Variants in EMB observed in about 807,000 individuals in gnomAD.
EMB encodes embigin homolog.
A neutral mutation model predicts 41.4 loss-of-function variants in EMB; 31 were observed. The ratio of observed to expected loss-of-function variants is 0.75; its 90% CI spans 0.56 to 1.01. The LOEUF is 1.01. Ranked by LOEUF, EMB falls within the 50% of genes least tolerant of loss-of-function variation. The probability of loss-of-function intolerance (pLI) is 0.00; values close to 1 mark genes in which losing one functional copy is unlikely to be tolerated. For missense variants in EMB, 379 were observed against 388.3 expected (o/e 0.98, Z 0.20); for synonymous variants, 137 against 140.4 (o/e 0.98, Z 0.17).
Position 50,405,922 on chromosome 5 carries a change from A to G in EMB, c.473-70T>C, listed in dbSNP as rs1212030837. 4.1e-6 allele frequency: 6 copies of G among 1,457,294 alleles called. No homozygotes were observed. The African/African-American group carries it at 5.8e-5, about 14-fold the overall frequency. The allele number at this position is 1,457,294 out of a possible 1,614,324, so 90.3% of individuals were successfully genotyped here. On this transcript the variant is annotated intron_variant, in intron 4 of 8. Transcript: ENST00000303221. ...TAAAGGAAATGTATTAAATGTGCAAATATTGTCTCCTTTCATTTTTTCATT... is the reference window on the plus strand; with the variant it reads ...TAAAGGAAATGTATTAAATGTGCAAGTATTGTCTCCTTTCATTTTTTCATT...
At chr5:50,421,487 C>T (rs1233973936) in intron 2 of EMB, among the ~76,000 whole-genome samples, 4 of 152,094 alleles carry the variant, frequency 2.6e-5, no homozygotes, top group East Asian at 1.9e-4. Flanking sequence ...GTCAGTGTGG[C>T]GATTCCTCAG....
chr5:50,414,422 A>C (rs1223260883), intron 2 of EMB, among the ~76,000 whole-genome samples: 1 of 146,532 alleles, frequency 6.8e-6, no homozygotes, highest in East Asian at 2.1e-4. Context: ...ATCTAGTCTC[A>C]GGTAGAGGTG....
intron 1 of EMB, chr5:50,428,749 T>C (rs915076350): frequency 2.0e-6 from 2 of 985,426 alleles, no homozygotes; most frequent in South Asian, 9.4e-5. Context: ...CCAAGAGGCA[T>C]GCCCTCTAAC....
chr5:50,417,382 A>C (rs1352487404), intron 2 of EMB, among the ~76,000 whole-genome samples: 1 of 152,228 alleles, frequency 6.6e-6, no homozygotes, highest in Non-Finnish European at 1.5e-5. Flanking sequence ...AATTTATAAA[A>C]CATAATACTA....
At chr5:50,411,535 C>A in intron 2 of EMB, 152 bp from the exon 3 acceptor site, 1 of 566,012 alleles carries the variant, frequency 1.8e-6, no homozygotes, top group Non-Finnish European at 2.9e-6. Context: ...ATAGTTGGTT[C>A]CCTTTCTTAT....
At chr5:50,399,329 T>G (rs750795801) in intron 8 of EMB, 39 bp from the exon 9 acceptor site, 18 of 1,601,264 alleles carry the variant, frequency 1.1e-5, no homozygotes, top group Non-Finnish European at 1.4e-5. Flanking sequence ...AATTAGTATG[T>G]TCTGGTTATT....
At chr5:50,412,605 T>C (rs1318871865) in intron 2 of EMB, among the ~76,000 whole-genome samples, 1 of 151,858 alleles carries the variant, frequency 6.6e-6, no homozygotes, top group African/African-American at 2.4e-5. Flanking sequence ...CTTACCCTAC[T>C]AAGATGGTGT....
At chr5:50,437,578 T>C (rs1321749450) in intron 1 of EMB, among the ~76,000 whole-genome samples, 1 of 152,238 alleles carries the variant, frequency 6.6e-6, no homozygotes, top group African/African-American at 2.4e-5. Flanking sequence ...ATTTATTTGA[T>C]GCTCAATTTG....
chr5:50,422,615 A>C (rs947840523), intron 2 of EMB, among the ~76,000 whole-genome samples: 1 of 152,232 alleles, frequency 6.6e-6, no homozygotes, highest in African/African-American at 2.4e-5. Flanking sequence ...ACATAAAACT[A>C]TATCATAAAT....
At chr5:50,414,895 G>A (rs1745404049) in intron 2 of EMB, among the ~76,000 whole-genome samples, 1 of 152,084 alleles carries the variant, frequency 6.6e-6, no homozygotes, top group African/African-American at 2.4e-5. Flanking sequence ...GTGCCCATCA[G>A]GATTTTGCTC....
intron 1 of EMB, 150 bp downstream of exon 1, chr5:50,440,890 C>A: frequency 2.1e-6 from 1 of 467,484 alleles, no homozygotes; most frequent in South Asian, 5.3e-5. Flanking sequence ...AATGGGAGGC[C>A]GCCGCCGACT....
rs1745098960 is a variant in EMB at position 50,397,964 on chromosome 5, T to C, written c.*1309A>G. On this transcript the variant is annotated 3_prime_UTR_variant, in exon 9 of 9. Coordinates refer to ENST00000303221, the MANE Select transcript of EMB (RefSeq NM_198449.3). ...TTTTCACTACCAAAATTTTATTATA[T>C]TTTTCTTAGCCAATACATGGAGCAA... The C allele has an allele frequency of 6.6e-6, 1 of 151,992 alleles. No homozygotes were observed. Among genetic ancestry groups the C allele is most frequent in the Admixed American group, 6.6e-5 (1 of 15,212 alleles). 9.4% of individuals were successfully genotyped at this position (151,992 alleles called of 1,614,324 possible).
At chr5:50,439,487 A>ATT (rs35139912) in intron 1 of EMB, among the ~76,000 whole-genome samples, 9 of 137,536 alleles carry the variant, frequency 6.5e-5, no homozygotes, top group Non-Finnish European at 7.8e-5. Context: ...CGCACTTTTA[A>ATT]TTTTTTTTTT....
At chr5:50,412,894 T>G (rs1745365791) in intron 2 of EMB, among the ~76,000 whole-genome samples, 1 of 147,654 alleles carries the variant, frequency 6.8e-6, no homozygotes, top group East Asian at 2.0e-4. Context: ...TTTTTTTTTT[T>G]TTACACCAGT....
rs1561139889 is a variant in EMB at position 50,429,971 on chromosome 5, TCTCTCTCTCTCTCTCTC to T, written c.113-1761_113-1745del. Among the ~76,000 whole-genome samples, 513 of 134,060 alleles carry T rather than the reference TCTCTCTCTCTCTCTCTC, an allele frequency of 3.8e-3. 2 individuals carry two copies. The highest frequency in any genetic ancestry group is 0.014 in the Middle Eastern group (4 of 278). The allele number at this position is 134,060 out of a possible 152,430, so 87.9% of individuals were successfully genotyped here. Reference sequence around the variant, plus strand: ...CTCTCACCCTCCCCAACTCTCTTTCTCTCTCTCTCTCTCTCTCTCTCTCTCTCTCTCTCTCACACACA... The same window carrying T: ...CTCTCACCCTCCCCAACTCTCTTTCTTCTCTCTCTCTCTCTCTCACACACA... On this transcript the variant is annotated intron_variant, in intron 1 of 8. Coordinates refer to ENST00000303221, the MANE Select transcript of EMB (RefSeq NM_198449.3).
At chr5:50,429,958 C>T (rs1338224142) in intron 1 of EMB, among the ~76,000 whole-genome samples, 1 of 147,298 alleles carries the variant, frequency 6.8e-6, no homozygotes, top group African/African-American at 2.6e-5. Context: ...CTCACCCTCC[C>T]CAACTCTCTT....
At chr5:50,417,203 T>C (rs1745443555) in intron 2 of EMB, among the ~76,000 whole-genome samples, 1 of 152,176 alleles carries the variant, frequency 6.6e-6, no homozygotes, top group African/African-American at 2.4e-5. Context: ...CCAAAATGTC[T>C]ATTAAACATC....
intron 8 of EMB, among the ~76,000 whole-genome samples, chr5:50,399,638 T>C (rs1415853390): frequency 2.8e-4 from 43 of 152,004 alleles, no homozygotes; most frequent in Non-Finnish European, 8.8e-5. Context: ...TGCAAAAGAT[T>C]TACTTCTAGA....
chr5:50,427,787 T>C (rs1472433791), intron 2 of EMB, among the ~76,000 whole-genome samples: 46 of 152,318 alleles, frequency 3.0e-4, no homozygotes, highest in Non-Finnish European at 5.9e-5. Context: ...GCTAAAGGTT[T>C]TCCAACAGAT....
Sources: allele counts gnomAD v4.1 joint callset (sites outside exome capture counted in the v4.1 genomes callset), GRCh38; gene constraint gnomAD v4.1.1; transcripts MANE v1.5; gene names NCBI Gene and HGNC (gene_info 2026-07-23, HGNC 2026-07-21).